The following DOCK9 variants were observed in gnomAD, a reference collection of about 807,000 sequenced individuals.
The protein encoded by DOCK9 is dedicator of cytokinesis 9.
A neutral mutation model predicts 263.3 loss-of-function variants in DOCK9; 89 were observed. That is an observed-to-expected ratio of 0.34 (90% CI 0.28 to 0.40). DOCK9 has a LOEUF of 0.40. Ranked by LOEUF, DOCK9 falls within the 10% of genes least tolerant of loss-of-function variation. DOCK9 has a pLI of 1.00. For synonymous variants in DOCK9, 976 were observed against 973.1 expected, an observed-to-expected ratio of 1.00 and a Z score of -0.06; for missense variants, 2,140 against 2,603.4, an observed-to-expected ratio of 0.82 and a Z score of 3.87.
intron 2 of DOCK9, among the ~76,000 whole-genome samples, chr13:98,937,713 C>CT (rs34325473): frequency 0.11 from 15,689 of 146,214 alleles, 1,077 homozygotes; most frequent in African/African-American, 0.19. Flanking sequence ...TTTTGTTTTG[C>CT]TTTTTTTTTT....
At position 98,903,029 on chromosome 13, in the gene DOCK9, A is replaced by C; in HGVS notation, c.1119T>G (p.Asp373Glu). The C allele has an allele frequency of 1.3e-6, 2 of 1,543,010 alleles. No homozygotes were observed. Among genetic ancestry groups the C allele is most frequent in the Non-Finnish European group, 1.7e-6 (2 of 1,144,226 alleles). The change falls in exon 11 of 53, where the codon GAT becomes GAG. Residue 373 changes from aspartate (D) to glutamate (E), a missense_variant. Around this residue, in one of 2 missense-constraint regions of DOCK9, gnomAD observed 1,521 missense variants for 1,741.7 expected, o/e 0.87. Coordinates refer to ENST00000682017, the MANE Select transcript of DOCK9 (RefSeq NM_001366683.2). Reference protein sequence around the residue: ...FGKRILVKCNDLSFNLQCCVA... With the variant: ...FGKRILVKCNELSFNLQCCVA... ...CACAGCATTGCAAATTGAAAGATAAATCATTGCACTTGACAAGGATCCTTT... is the reference window on the plus strand; with the variant it reads ...CACAGCATTGCAAATTGAAAGATAACTCATTGCACTTGACAAGGATCCTTT...
chr13:98,809,316 A>G (rs1219309981), intron 47 of DOCK9, 36 bp downstream of exon 47: 14 of 1,542,426 alleles, frequency 9.1e-6, no homozygotes, highest in African/African-American at 1.4e-5. Flanking sequence ...TTTTTAAAGG[A>G]CTTAGGACAG....
At chr13:98,907,449 A>C (rs1452564351) in intron 9 of DOCK9, among the ~76,000 whole-genome samples, 1 of 152,188 alleles carries the variant, frequency 6.6e-6, no homozygotes, top group African/African-American at 2.4e-5. Context: ...ACTGCTAATG[A>C]GCTCGGTATA....
intron 27 of DOCK9, among the ~76,000 whole-genome samples, chr13:98,872,615 C>T (rs1340086969): frequency 6.6e-6 from 1 of 152,142 alleles, no homozygotes; most frequent in Non-Finnish European, 1.5e-5. Context: ...CTATGTTGCT[C>T]AGGCTGGTCT....
At chr13:99,066,827 C>T in intron 1 of DOCK9, among the ~76,000 whole-genome samples, 1 of 152,284 alleles carries the variant, frequency 6.6e-6, no homozygotes, top group African/African-American at 2.4e-5. Flanking sequence ...TCCTTGGAGT[C>T]CTGACCCACA....
intron 2 of DOCK9, among the ~76,000 whole-genome samples, chr13:98,945,705 C>G (rs910271009): frequency 2.6e-5 from 4 of 152,254 alleles, no homozygotes; most frequent in African/African-American, 7.2e-5. Context: ...GTGGAAAGAC[C>G]CCCCTCTTGG....
intron 1 of DOCK9, among the ~76,000 whole-genome samples, chr13:99,011,610 A>G (rs1251742651): frequency 6.6e-6 from 1 of 152,218 alleles, no homozygotes; most frequent in East Asian, 1.9e-4. Flanking sequence ...AACAATTAAC[A>G]CTTATGTGCA....
chr13:99,051,855 C>CAA (rs11392986), intron 1 of DOCK9, among the ~76,000 whole-genome samples: 10,352 of 105,216 alleles, frequency 0.098, 727 homozygotes, highest in African/African-American at 0.15. Context: ...CCACTAGTGG[C>CAA]AAAAAAAAAA....
intron 49 of DOCK9, among the ~76,000 whole-genome samples, chr13:98,804,087 T>C (rs1594148111): frequency 2.6e-5 from 4 of 152,260 alleles, no homozygotes; most frequent in Admixed American, 6.5e-5. Context: ...ATTATGATAG[T>C]GTGTATTATT....
intron 15 of DOCK9, among the ~76,000 whole-genome samples, chr13:98,889,091 T>C (rs1323973217): frequency 6.6e-6 from 1 of 152,190 alleles, no homozygotes; most frequent in Non-Finnish European, 1.5e-5. Context: ...ATAAAGAATA[T>C]CAGCAAAACA....
At chr13:99,039,834 G>C (rs982247565) in intron 1 of DOCK9, among the ~76,000 whole-genome samples, 1 of 152,156 alleles carries the variant, frequency 6.6e-6, no homozygotes, top group Non-Finnish European at 1.5e-5. Flanking sequence ...TAGCACTGAG[G>C]GTGGACAGCC....
chr13:98,855,225 C>T (rs1372630363), intron 34 of DOCK9, among the ~76,000 whole-genome samples: 1 of 152,190 alleles, frequency 6.6e-6, no homozygotes, highest in African/African-American at 2.4e-5. Context: ...GGCTTCAGAC[C>T]TAACACCCTT....
At chr13:99,016,496 A>G (rs1452318416) in intron 1 of DOCK9, among the ~76,000 whole-genome samples, 1 of 152,224 alleles carries the variant, frequency 6.6e-6, no homozygotes, top group African/African-American at 2.4e-5. Flanking sequence ...TGCCTTCTGA[A>G]GCAGCACTCC....
At chr13:99,053,517 T>C (rs1439978506) in intron 1 of DOCK9, among the ~76,000 whole-genome samples, 1 of 152,230 alleles carries the variant, frequency 6.6e-6, no homozygotes, top group Non-Finnish European at 1.5e-5. Flanking sequence ...TTCTAAGGTA[T>C]TCTTTCTGTA....
intron 1 of DOCK9, among the ~76,000 whole-genome samples, chr13:98,984,537 T>A (rs577302120): frequency 6.6e-6 from 1 of 152,350 alleles, no homozygotes; most frequent in East Asian, 1.9e-4. Context: ...TACAACAGAA[T>A]GTAACTACTG....
At chr13:98,917,789 C>T (rs1406057609) in intron 7 of DOCK9, among the ~76,000 whole-genome samples, 2 of 151,908 alleles carry the variant, frequency 1.3e-5, no homozygotes, top group African/African-American at 4.8e-5. Flanking sequence ...CTAAAGTTAC[C>T]AAAGTTTAAC....
intron 7 of DOCK9, 117 bp downstream of exon 7, chr13:98,920,832 ATATGT>A (rs2140064107): frequency 2.1e-6 from 2 of 946,414 alleles, no homozygotes; most frequent in Non-Finnish European, 3.0e-6. Flanking sequence ...ATTTAAAGTT[ATATGT>A]TATATTTCTA....
chr13:99,047,782 C>T (rs1342890216), intron 1 of DOCK9, among the ~76,000 whole-genome samples: 2 of 152,100 alleles, frequency 1.3e-5, no homozygotes, highest in African/African-American at 4.8e-5. Flanking sequence ...CTCGGCCTCC[C>T]AAAGTGCTGG....
intron 1 of DOCK9, among the ~76,000 whole-genome samples, chr13:99,067,518 T>C (rs2041473958): frequency 6.6e-6 from 1 of 152,046 alleles, no homozygotes; most frequent in Non-Finnish European, 1.5e-5. Flanking sequence ...CTGCCCCTCC[T>C]CTCCCAAAGG....
Sources: allele counts gnomAD v4.1 joint callset (sites outside exome capture counted in the v4.1 genomes callset), GRCh38; gene constraint gnomAD v4.1.1; regional missense constraint gnomAD v4.1.1; transcripts MANE v1.5; gene names NCBI Gene and HGNC (gene_info 2026-07-23, HGNC 2026-07-21).